Variants in SLC24A3 observed in about 807,000 individuals in gnomAD.
The protein encoded by SLC24A3 is solute carrier family 24 member 3.
In SLC24A3, 28 loss-of-function variants were observed where a neutral mutation model predicts 75.8. The ratio of observed to expected loss-of-function variants is 0.37; its 90% confidence interval spans 0.27 to 0.51. The LOEUF (loss-of-function observed/expected upper bound fraction) is 0.51. Ranked by LOEUF, SLC24A3 falls within the 20% of genes least tolerant of loss-of-function variation. The probability of loss-of-function intolerance (pLI) is 0.94; values close to 1 mark genes in which losing one functional copy is unlikely to be tolerated. For missense variants in SLC24A3, 663 were observed against 847.8 expected (o/e 0.78, Z 2.71); for synonymous variants, 372 against 334.1 (o/e 1.11, Z -1.24).
At chr20:19,221,333 G>T (rs944802280) in intron 1 of SLC24A3, among the ~76,000 whole-genome samples, 2 of 152,174 alleles carry the variant, frequency 1.3e-5, no homozygotes, top group Non-Finnish European at 2.9e-5. Context: ...CAGGTCACTT[G>T]TAAAGTCTGC....
Position 19,665,093 on chromosome 20 carries a change from G to A in SLC24A3, c.688-771G>A, listed in dbSNP as rs567699312. Among the ~76,000 whole-genome samples, 8 of 152,308 alleles carry A rather than the reference G, an allele frequency of 5.3e-5. No individual in the cohort carries two copies. The South Asian group carries it at 1.2e-3, about 24-fold the overall frequency. On this transcript the variant is annotated intron_variant, in intron 7 of 16. Transcript: ENST00000328041. ...GGACTTCAGTAGATTAAATCCTGCCGTGTATTCTCTCTGTATTCTCTTTCA... is the reference window on the plus strand; with the variant it reads ...GGACTTCAGTAGATTAAATCCTGCCATGTATTCTCTCTGTATTCTCTTTCA...
chr20:19,458,550 C>T (rs1049869223), intron 2 of SLC24A3, among the ~76,000 whole-genome samples: 2 of 152,182 alleles, frequency 1.3e-5, no homozygotes, highest in Non-Finnish European at 2.9e-5. Context: ...CCTCCCTAGC[C>T]CCTGGCAACC....
chr20:19,684,340 C>T lies in SLC24A3; in HGVS notation c.1062+4C>T, dbSNP rs761783911. The T allele has an allele frequency of 4.3e-6, 7 of 1,612,228 alleles. No individual in the cohort carries two copies. In the African/African-American group the frequency reaches 6.7e-5, roughly 15 times the overall value. Reference sequence around the variant, plus strand: ...CAGTCGCATGTTGATCAATGAGGTACCTGGGAAAGCACTGTCCACTGCCCA... The same window carrying T: ...CAGTCGCATGTTGATCAATGAGGTATCTGGGAAAGCACTGTCCACTGCCCA... On this transcript the variant is annotated splice_donor_region_variant and intron_variant, in intron 11 of 16. Coordinates refer to ENST00000328041, the MANE Select transcript of SLC24A3 (RefSeq NM_020689.4).
intron 3 of SLC24A3, among the ~76,000 whole-genome samples, chr20:19,528,901 C>T (rs2030245466): frequency 6.6e-6 from 1 of 152,052 alleles, no homozygotes; most frequent in Admixed American, 6.5e-5. Context: ...GGACCCAAGC[C>T]CAAATTCATT....
At chr20:19,462,550 C>T (rs1256737925) in intron 2 of SLC24A3, among the ~76,000 whole-genome samples, 1 of 152,162 alleles carries the variant, frequency 6.6e-6, no homozygotes, top group Non-Finnish European at 1.5e-5. Context: ...GCAACTTAAC[C>T]GACATGGTGA....
chr20:19,452,161 C>T (rs546298537), intron 2 of SLC24A3, among the ~76,000 whole-genome samples: 16 of 152,276 alleles, frequency 1.1e-4, no homozygotes, highest in African/African-American at 3.6e-4. Context: ...GCTTTTTCAA[C>T]CACAGACCAA....
chr20:19,567,954 G>A (rs2030987095), intron 3 of SLC24A3, among the ~76,000 whole-genome samples: 1 of 152,054 alleles, frequency 6.6e-6, no homozygotes, highest in Non-Finnish European at 1.5e-5. Flanking sequence ...CAAACAGCTT[G>A]ATTTCAAAAT....
chr20:19,655,183 C>A (rs2032251481), intron 7 of SLC24A3, among the ~76,000 whole-genome samples: 1 of 152,200 alleles, frequency 6.6e-6, no homozygotes, highest in Admixed American at 6.5e-5. Flanking sequence ...GCAGCAGCTG[C>A]TGCAGTTCAT....
intron 1 of SLC24A3, among the ~76,000 whole-genome samples, chr20:19,275,652 G>A (rs1983462235): frequency 2.0e-5 from 3 of 152,172 alleles, no homozygotes; most frequent in African/African-American, 7.2e-5. Flanking sequence ...GAGGGCGGTA[G>A]GGGAGGAGGA....
intron 2 of SLC24A3, among the ~76,000 whole-genome samples, chr20:19,348,132 G>A (rs1444505181): frequency 6.6e-6 from 1 of 152,218 alleles, no homozygotes; most frequent in Non-Finnish European, 1.5e-5. Context: ...CCCCGAGGAT[G>A]TCTGTTCGGG....
chr20:19,231,432 A>G (rs949193865), intron 1 of SLC24A3, among the ~76,000 whole-genome samples: 8 of 152,190 alleles, frequency 5.3e-5, no homozygotes, highest in South Asian at 2.1e-4. Flanking sequence ...GCTCCGTGCA[A>G]TCACATGGTT....
At chr20:19,280,313 C>T (rs1600408758) in intron 1 of SLC24A3, among the ~76,000 whole-genome samples, 1 of 152,194 alleles carries the variant, frequency 6.6e-6, no homozygotes, top group African/African-American at 2.4e-5. Flanking sequence ...CTGTGTGGCA[C>T]TCATGAACCT....
intron 9 of SLC24A3, among the ~76,000 whole-genome samples, chr20:19,678,951 C>T (rs1160491032): frequency 1.1e-4 from 16 of 150,780 alleles, no homozygotes; most frequent in African/African-American, 3.7e-4. Context: ...GATGGGAGGC[C>T]GGGCAGAGAC....
At chr20:19,408,906 CATTT>C (rs1986697776) in intron 2 of SLC24A3, among the ~76,000 whole-genome samples, 2 of 152,196 alleles carry the variant, frequency 1.3e-5, no homozygotes, top group African/African-American at 4.8e-5. Context: ...TTCATTCATT[CATTT>C]GTTCATTCGG....
intron 2 of SLC24A3, among the ~76,000 whole-genome samples, chr20:19,304,499 T>C (rs1600420236): frequency 6.6e-6 from 1 of 152,164 alleles, no homozygotes; most frequent in South Asian, 2.1e-4. Context: ...TAGGCTTTTT[T>C]AATAAAGAGG....
At chr20:19,422,736 A>G (rs533848640) in intron 2 of SLC24A3, among the ~76,000 whole-genome samples, 1 of 152,328 alleles carries the variant, frequency 6.6e-6, no homozygotes, top group Admixed American at 6.5e-5. Flanking sequence ...AGAAAGTTCT[A>G]AAAGCTTAAG....
chr20:19,543,394 G>A (rs1347185290), intron 3 of SLC24A3, among the ~76,000 whole-genome samples: 1 of 152,236 alleles, frequency 6.6e-6, no homozygotes, highest in Non-Finnish European at 1.5e-5. Flanking sequence ...GCAAAGCCAA[G>A]GATGCTAGGC....
chr20:19,248,271 G>T (rs890669801), intron 1 of SLC24A3, among the ~76,000 whole-genome samples: 1 of 152,168 alleles, frequency 6.6e-6, no homozygotes, highest in Admixed American at 6.5e-5. Context: ...AGAGAATTCT[G>T]TGTGCCCCGC....
chr20:19,265,972 T>A (rs1983153607), intron 1 of SLC24A3: 1 of 152,970 alleles, frequency 6.5e-6, no homozygotes, highest in Admixed American at 6.6e-5. Context: ...CCAGAACAGG[T>A]AGACTTGGCA....
Sources: gnomAD v4.1 joint callset for allele counts (sites outside exome capture counted in the v4.1 genomes callset) on GRCh38, gnomAD v4.1.1 for gene constraint, MANE v1.5 for transcripts, NCBI Gene and HGNC (gene_info 2026-07-23, HGNC 2026-07-21) for gene names.